TENM3: variants seen among roughly 807,000 people sequenced by gnomAD.
TENM3 encodes the protein teneurin-3.
A neutral mutation model predicts 255.1 loss-of-function variants in TENM3; 63 were observed. The observed-to-expected ratio is 0.25, with a 90% CI of 0.20 to 0.30. The LOEUF (loss-of-function observed/expected upper bound fraction) is 0.30, where lower values mean the gene tolerates loss of function less well. Among genes scored for constraint, TENM3 ranks in the 10% least tolerant of loss-of-function variants. The probability of loss-of-function intolerance (pLI) is 1.00; values close to 1 mark genes in which losing one functional copy is unlikely to be tolerated. For missense variants in TENM3, 2,929 were observed against 3,461.1 expected (o/e 0.85, Z 3.86); for synonymous variants, 1,306 against 1,322.3 (o/e 0.99, Z 0.27).
chr4:181,895,884 C>T, the TENM3 span, among the ~76,000 whole-genome samples: 1 of 152,020 alleles, frequency 6.6e-6, no homozygotes, highest in Admixed American at 6.6e-5. Flanking sequence ...CTCCACCATG[C>T]CCGCCTCAAA....
intron 22 of TENM3, among the ~76,000 whole-genome samples, chr4:182,771,706 C>G (rs1443002887): frequency 6.6e-6 from 1 of 152,140 alleles, no homozygotes. Context: ...CTTAAATAAA[C>G]CAGTGCGTGT....
At chr4:182,399,310 A>G (rs1377293123) in intron 3 of TENM3, among the ~76,000 whole-genome samples, 1 of 152,148 alleles carries the variant, frequency 6.6e-6, no homozygotes. Flanking sequence ...CATCTTTAAA[A>G]TATCCTAGAC....
chr4:181,477,035 A>G, the TENM3 span, among the ~76,000 whole-genome samples: 2 of 151,968 alleles, frequency 1.3e-5, no homozygotes, highest in Non-Finnish European at 2.9e-5. Context: ...AGGTTAGGTA[A>G]TTTGCTCAAG....
At chr4:181,830,328 G>A in the TENM3 span, among the ~76,000 whole-genome samples, 6 of 152,084 alleles carry the variant, frequency 3.9e-5, no homozygotes, top group East Asian at 1.9e-4. Flanking sequence ...GAGTGCAATG[G>A]CACAATCTCT....
chr4:182,027,466 T>TC, the TENM3 span, among the ~76,000 whole-genome samples: 1 of 152,098 alleles, frequency 6.6e-6, no homozygotes, highest in African/African-American at 2.4e-5. Flanking sequence ...CCCTTTTTTT[T>TC]CCTCTTGTCT....
the TENM3 span, among the ~76,000 whole-genome samples, chr4:182,025,830 AT>A: frequency 1.3e-5 from 2 of 151,718 alleles, no homozygotes; most frequent in Non-Finnish European, 2.9e-5. Context: ...TTCTTTTTTA[AT>A]TTTTTTTATT....
the TENM3 span, among the ~76,000 whole-genome samples, chr4:181,969,899 T>G: frequency 6.6e-6 from 1 of 152,224 alleles, no homozygotes; most frequent in Non-Finnish European, 1.5e-5. Context: ...TGTTAACTGA[T>G]TTAAATTAAA....
intron 3 of TENM3, among the ~76,000 whole-genome samples, chr4:182,457,558 C>CTTTTT (rs768197836): frequency 0.012 from 1,375 of 115,200 alleles, 93 homozygotes; most frequent in African/African-American, 0.037. Flanking sequence ...TCATGTATAT[C>CTTTTT]TTTTTTTTTT....
chr4:182,800,468 T>TA lies in TENM3; in HGVS notation c.*118dup. The TA allele has an allele frequency of 3.1e-6, 4 of 1,275,054 alleles. No individual in the cohort carries two copies. The highest frequency in any genetic ancestry group is 3.1e-6 in the Non-Finnish European group (3 of 955,028). The allele number at this position is 1,275,054 out of a possible 1,614,324, so 79.0% of individuals were successfully genotyped here. On this transcript the variant is annotated 3_prime_UTR_variant, in exon 28 of 28. Transcript: ENST00000511685. ...CCTCCCGGGGGAATGAGACTGCTGTTACGACCCACACCCACACCGCGAAAA... is the reference window on the plus strand; with the variant it reads ...CCTCCCGGGGGAATGAGACTGCTGTTAACGACCCACACCCACACCGCGAAAA...
At chr4:181,886,095 C>T in the TENM3 span, among the ~76,000 whole-genome samples, 1 of 137,446 alleles carries the variant, frequency 7.3e-6, no homozygotes. Context: ...CTCCATCACT[C>T]AGGCTGAAAT....
chr4:181,475,976 C>A, the TENM3 span, among the ~76,000 whole-genome samples: 16 of 152,190 alleles, frequency 1.1e-4, no homozygotes, highest in Non-Finnish European at 2.1e-4. Flanking sequence ...GCAGGCGGTG[C>A]GGCTCCAGCG....
the TENM3 span, among the ~76,000 whole-genome samples, chr4:181,494,188 T>TTA: frequency 2.0e-5 from 3 of 152,366 alleles, no homozygotes; most frequent in East Asian, 5.8e-4. Flanking sequence ...TACTAATGAC[T>TTA]TATATTCTCC....
intron 1 of TENM3, among the ~76,000 whole-genome samples, chr4:182,312,846 G>A (rs935703441): frequency 3.3e-5 from 5 of 152,122 alleles, no homozygotes; most frequent in Non-Finnish European, 5.9e-5. Flanking sequence ...CAGCTGTATT[G>A]GATCCTTGAG....
chr4:181,849,697 T>C, the TENM3 span, among the ~76,000 whole-genome samples: 1 of 152,160 alleles, frequency 6.6e-6, no homozygotes, highest in Non-Finnish European at 1.5e-5. Flanking sequence ...CACGTCCTTT[T>C]GTATGACATT....
At chr4:182,560,381 A>AT (rs1194193032) in intron 3 of TENM3, among the ~76,000 whole-genome samples, 1 of 152,268 alleles carries the variant, frequency 6.6e-6, no homozygotes, top group East Asian at 1.9e-4. Context: ...TCCCAAGGTG[A>AT]TTCAGCCATT....
the TENM3 span, among the ~76,000 whole-genome samples, chr4:181,545,957 T>C: frequency 2.6e-5 from 4 of 152,152 alleles, no homozygotes; most frequent in African/African-American, 9.7e-5. Flanking sequence ...AGTGCACATA[T>C]ATGCAAGGAG....
chr4:182,387,937 CAAA>C (rs5864781), intron 3 of TENM3, among the ~76,000 whole-genome samples: 241 of 136,694 alleles, frequency 1.8e-3, no homozygotes, highest in East Asian at 4.2e-3. Flanking sequence ...GTGATAATTG[CAAA>C]AAAAAAAAAA....
At chr4:182,210,204 C>CT (rs375320461) in intron 1 of TENM3, among the ~76,000 whole-genome samples, 26 of 152,298 alleles carry the variant, frequency 1.7e-4, no homozygotes, top group African/African-American at 6.3e-4. Flanking sequence ...CAGCTCTGAC[C>CT]TCTCCCCTTC....
chr4:182,180,457 A>G (rs1440441272), intron 1 of TENM3, among the ~76,000 whole-genome samples: 1 of 152,084 alleles, frequency 6.6e-6, no homozygotes, highest in African/African-American at 2.4e-5. Flanking sequence ...AAATCTTCCC[A>G]TCTACCTTCA....
Sources: gnomAD v4.1 joint callset for allele counts (sites outside exome capture counted in the v4.1 genomes callset) on GRCh38, gnomAD v4.1.1 for gene constraint, MANE v1.5 for transcripts, NCBI Gene and HGNC (gene_info 2026-07-23, HGNC 2026-07-21) for gene names.